NFYA: variants seen among roughly 807,000 people sequenced by gnomAD.
The protein encoded by NFYA is nuclear transcription factor Y subunit alpha, also known as CAAT-box DNA binding protein subunit A.
Under a neutral mutation model 52.8 loss-of-function variants are expected in NFYA, and 28 were observed. The ratio of observed to expected loss-of-function variants is 0.53; its 90% CI spans 0.39 to 0.73. The LOEUF is 0.73. Among genes scored for constraint, NFYA ranks in the 30% least tolerant of loss-of-function variants. The probability of loss-of-function intolerance (pLI) is 0.00; values close to 1 mark genes in which losing one functional copy is unlikely to be tolerated. For missense variants in NFYA, 234 were observed against 427.0 expected (o/e 0.55, Z 3.98); for synonymous variants, 150 against 150.7 (o/e 1.00, Z 0.03).
intron 3 of NFYA, 123 bp from the exon 4 acceptor site, chr6:41,083,923 T>A: frequency 1.1e-6 from 1 of 916,094 alleles, no homozygotes; most frequent in Non-Finnish European, 1.6e-6. Context: ...ACATATATTT[T>A]CTTAGTCTTT....
intron 1 of NFYA, among the ~76,000 whole-genome samples, chr6:41,074,174 C>G (rs1225145700): frequency 6.6e-6 from 1 of 152,144 alleles, no homozygotes; most frequent in Non-Finnish European, 1.5e-5. Context: ...ACCCAGTCCA[C>G]TCATCTCTTG....
At chr6:41,088,102 A>G (rs549442760) in intron 4 of NFYA, among the ~76,000 whole-genome samples, 5 of 152,210 alleles carry the variant, frequency 3.3e-5, no homozygotes, top group Non-Finnish European at 4.4e-5. Context: ...ATAACAAATT[A>G]TCCTAGAAGT....
At chr6:41,083,681 C>T (rs1763968314) in intron 3 of NFYA, among the ~76,000 whole-genome samples, 1 of 152,214 alleles carries the variant, frequency 6.6e-6, no homozygotes, top group Non-Finnish European at 1.5e-5. Context: ...ATTGCCTTCT[C>T]TCCAGCCTTC....
At chr6:41,096,742 G>A (rs141786548) in intron 9 of NFYA, among the ~76,000 whole-genome samples, 2 of 152,260 alleles carry the variant, frequency 1.3e-5, no homozygotes, top group African/African-American at 4.8e-5. Context: ...GTGTTAACAC[G>A]GTAGGTCTTA....
rs187827870 is a variant in NFYA at position 41,101,354 on chromosome 6, G to A, written c.*3944G>A. ...AAACTTTGAGTATCTTCGTTTTAGC[G>A]TGGGAGGACATCTTTTGGGATGAAC... On this transcript the variant is annotated 3_prime_UTR_variant, in exon 10 of 10. Transcript: ENST00000341376. 6.6e-6 allele frequency among the ~76,000 whole-genome samples: 1 copy of A among 152,176 alleles called. No homozygotes were observed. The highest frequency in any genetic ancestry group is 1.5e-5 in the Non-Finnish European group (1 of 68,036).
chr6:41,087,395 A>G (rs1299566670), intron 4 of NFYA, among the ~76,000 whole-genome samples: 2 of 152,128 alleles, frequency 1.3e-5, no homozygotes, highest in Non-Finnish European at 2.9e-5. Context: ...ATCAGCTGGT[A>G]GACTTTGTGA....
At position 41,090,205 on chromosome 6, in the gene NFYA, C is replaced by T; in HGVS notation, c.443C>T (p.Thr148Ile). 1 of 1,605,550 alleles carries T rather than the reference C, an allele frequency of 6.2e-7. No homozygotes were observed. The highest frequency in any genetic ancestry group is 8.5e-7 in the Non-Finnish European group (1 of 1,172,520). Residue 148 changes from threonine to isoleucine, a missense_variant and splice_region_variant, in exon 6 of 10, where the codon ACA becomes ATA. Physicochemically the swap from Thr to Ile is moderately conservative, Grantham distance 89 (BLOSUM62 -1). Transcript: ENST00000341376. ...QTAVTAGQTQ[T>I]QQQIAVQGQQ... ...TGTGTCATTACTTATTTCCTCCAGA[C>T]ACAGCAGCAGATTGCTGTCCAGGGA... is the stretch of plus-strand genomic sequence containing the variant.
chr6:41,085,784 G>A (rs77222031), intron 4 of NFYA, among the ~76,000 whole-genome samples: 9,615 of 151,482 alleles, frequency 0.063, 715 homozygotes, highest in African/African-American at 0.18. Context: ...ATAATGTTCA[G>A]TCAACTTGAT....
At chr6:41,096,616 A>G (rs1764363209) in intron 9 of NFYA, among the ~76,000 whole-genome samples, 1 of 152,216 alleles carries the variant, frequency 6.6e-6, no homozygotes, top group Non-Finnish European at 1.5e-5. Flanking sequence ...TTCCATCTCC[A>G]GAAGGCTTTC....
At chr6:41,083,639 AACCACCATC>A (rs1443310046) in intron 3 of NFYA, among the ~76,000 whole-genome samples, 7 of 152,144 alleles carry the variant, frequency 4.6e-5, no homozygotes, top group African/African-American at 1.2e-4. Flanking sequence ...ATTTGTACTC[AACCACCATC>A]ACCACCATCA....
chr6:41,078,596 G>A (rs1216878638), intron 1 of NFYA, among the ~76,000 whole-genome samples: 1 of 152,158 alleles, frequency 6.6e-6, no homozygotes, highest in Non-Finnish European at 1.5e-5. Flanking sequence ...AAGTCTATGA[G>A]AAGGGTAAAT....
chr6:41,073,302 T>TGGCGCCTCGGGGAGCA (rs1302030577), intron 1 of NFYA, among the ~76,000 whole-genome samples: 1 of 151,184 alleles, frequency 6.6e-6, no homozygotes, highest in East Asian at 2.0e-4. Flanking sequence ...CGCGCGGGGA[T>TGGCGCCTCGGGGAGCA]GGCGCCTCGG....
At chr6:41,082,984 T>C (rs1229449396) in intron 3 of NFYA, among the ~76,000 whole-genome samples, 1 of 152,206 alleles carries the variant, frequency 6.6e-6, no homozygotes, top group Non-Finnish European at 1.5e-5. Flanking sequence ...AACCTACTCA[T>C]CTAGGACAGA....
rs760670308 is a variant in NFYA, at chr6:41,089,535, A to G, written c.310-44A>G. ...TAACTCTCGGGGACCAAAGGAGACC[A>G]GTGTCAGTAGAGTACAATCCTTTTT... On this transcript the variant is annotated intron_variant, in intron 4 of 9. Transcript: ENST00000341376. The G allele has an allele frequency of 4.6e-6, 7 of 1,517,336 alleles. No homozygotes were observed. In the African/African-American group the frequency reaches 7.0e-5, roughly 15 times the overall value. 94.0% of individuals were successfully genotyped at this position (1,517,336 alleles called of 1,614,324 possible).
intron 4 of NFYA, among the ~76,000 whole-genome samples, chr6:41,084,515 G>T (rs1034641826): frequency 1.3e-5 from 2 of 152,080 alleles, no homozygotes; most frequent in Non-Finnish European, 2.9e-5. Flanking sequence ...ATAACAAAAC[G>T]AGCAAAAAGT....
Position 41,084,078 on chromosome 6 carries a change from T to C in NFYA, c.195T>C (p.Ser65=). Reference sequence around the variant, plus strand: ...GGCAGCCATTAATGGTGCAGGTCAGTGGAGGCCAGCTAATCACATCAACTG... The same window carrying C: ...GGCAGCCATTAATGGTGCAGGTCAGCGGAGGCCAGCTAATCACATCAACTG... ...VQGQPLMVQV[S]GGQLITSTGQ... Residue 65 remains serine (S), a synonymous_variant, in exon 4 of 10, where the codon AGT becomes AGC. Coordinates refer to ENST00000341376, the MANE Select transcript of NFYA (RefSeq NM_002505.5). 2 of 1,614,002 alleles carry C rather than the reference T, an allele frequency of 1.2e-6. No individual in the cohort carries two copies. Among genetic ancestry groups the C allele is most frequent in the African/African-American group, 1.3e-5 (1 of 75,060 alleles).
chr6:41,082,938 G>A (rs912048491), intron 3 of NFYA, among the ~76,000 whole-genome samples: 5 of 152,136 alleles, frequency 3.3e-5, no homozygotes, highest in Admixed American at 2.0e-4. Context: ...CAGTGGCGGC[G>A]GTGGTGGTGG....
chr6:41,097,490 T>C lies in NFYA; in HGVS notation c.*80T>C. On this transcript the variant is annotated 3_prime_UTR_variant, in exon 10 of 10. Coordinates refer to ENST00000341376, the MANE Select transcript of NFYA (RefSeq NM_002505.5). The stretch of plus-strand genomic sequence containing the variant: ...ATTGATCAACTCTTCCAATGGGACA[T>C]TGATGATCACATTCTGCCCTTTACT... 5 of 1,432,796 alleles carry C rather than the reference T, an allele frequency of 3.5e-6. No individual in the cohort carries two copies. Among genetic ancestry groups the C allele is most frequent in the Non-Finnish European group, 4.9e-6 (5 of 1,018,380 alleles). The allele number at this position is 1,432,796 out of a possible 1,614,324, so 88.8% of individuals were successfully genotyped here.
At chr6:41,080,301 A>C (rs1021168944) in intron 2 of NFYA, among the ~76,000 whole-genome samples, 2 of 152,130 alleles carry the variant, frequency 1.3e-5, no homozygotes, top group Non-Finnish European at 2.9e-5. Context: ...GTACATAAAT[A>C]AAGTTTAAAA....
Sources: gnomAD v4.1 joint callset for allele counts (sites outside exome capture counted in the v4.1 genomes callset) on GRCh38, gnomAD v4.1.1 for gene constraint, MANE v1.5 for transcripts, NCBI Gene and HGNC (gene_info 2026-07-23, HGNC 2026-07-21) for gene names.